PHACTR1: variants seen among roughly 807,000 people sequenced by gnomAD.
PHACTR1 encodes the protein phosphatase and actin regulator 1.
Under a neutral mutation model 69.2 loss-of-function variants are expected in PHACTR1, and 16 were observed. The observed-to-expected ratio is 0.23, with a 90% CI of 0.16 to 0.35. The LOEUF (loss-of-function observed/expected upper bound fraction) is 0.35, where lower values mean the gene tolerates loss of function less well. PHACTR1 is among the 10% of genes least tolerant of loss of function. The pLI, the probability that PHACTR1 is intolerant of heterozygous loss-of-function variation, is 1.00. For synonymous variants in PHACTR1, 312 were observed against 284.5 expected (o/e 1.10, Z -0.97); for missense variants, 510 against 734.7 (o/e 0.69, Z 3.54).
intron 10 of PHACTR1, among the ~76,000 whole-genome samples, chr6:13,254,633 G>T (rs1774934266): frequency 6.6e-6 from 1 of 152,000 alleles, no homozygotes; most frequent in African/African-American, 2.4e-5. Context: ...GAAACAGATG[G>T]CTCCTAATTA....
rs116296157 is a variant in PHACTR1, at chr6:13,172,659, T to C, written c.497-9860T>C. 9.8e-3 allele frequency among the ~76,000 whole-genome samples: 1,495 copies of C among 152,328 alleles called. 27 individuals are homozygous for C. The highest frequency in any genetic ancestry group is 0.034 in the African/African-American group (1,401 of 41,560). On this transcript the variant is annotated intron_variant, in intron 6 of 14. Transcript: ENST00000332995. Reference sequence around the variant, plus strand: ...GGAAAGTCATTGCATCTCACCTATTTAATGTTTTAGGCAAAGGCTTCTCAG... The same window carrying C: ...GGAAAGTCATTGCATCTCACCTATTCAATGTTTTAGGCAAAGGCTTCTCAG...
At chr6:13,261,614 G>A (rs937006925) in intron 10 of PHACTR1, among the ~76,000 whole-genome samples, 1 of 152,204 alleles carries the variant, frequency 6.6e-6, no homozygotes, top group Non-Finnish European at 1.5e-5. Flanking sequence ...GCTATCCCTG[G>A]TTGTCTAAGT....
At chr6:13,224,191 G>T (rs796663869) in intron 8 of PHACTR1, among the ~76,000 whole-genome samples, 4 of 152,212 alleles carry the variant, frequency 2.6e-5, no homozygotes. Context: ...TGTGGCTTCT[G>T]CCCGACAAGG....
chr6:13,022,808 G>A (rs1801159700), intron 4 of PHACTR1, among the ~76,000 whole-genome samples: 1 of 152,162 alleles, frequency 6.6e-6, no homozygotes, highest in East Asian at 1.9e-4. Context: ...CTTGAGCCCA[G>A]GAATTCGAGA....
intron 6 of PHACTR1, among the ~76,000 whole-genome samples, chr6:13,162,605 C>T (rs369854470): frequency 1.7e-4 from 26 of 152,196 alleles, no homozygotes; most frequent in African/African-American, 6.0e-4. Context: ...CTTAAACAAT[C>T]CCTCTTCTCC....
At chr6:12,931,689 C>A (rs1251016882) in intron 4 of PHACTR1, among the ~76,000 whole-genome samples, 1 of 151,948 alleles carries the variant, frequency 6.6e-6, no homozygotes, top group South Asian at 2.1e-4. Context: ...AGCAGAATCA[C>A]ACAAACATTC....
At chr6:13,095,920 G>A (rs1256302472) in intron 5 of PHACTR1, among the ~76,000 whole-genome samples, 4 of 152,036 alleles carry the variant, frequency 2.6e-5, no homozygotes, top group Admixed American at 6.5e-5. Flanking sequence ...ACAATTGCAG[G>A]TTTTGAAACC....
chr6:13,277,942 C>T (rs370846439), intron 11 of PHACTR1: 24 of 187,540 alleles, frequency 1.3e-4, no homozygotes, highest in Non-Finnish European at 1.4e-4. Context: ...AGAACGAGAC[C>T]GTGTCAAAAA....
At chr6:12,973,976 C>G (rs1377368352) in intron 4 of PHACTR1, among the ~76,000 whole-genome samples, 1 of 128,386 alleles carries the variant, frequency 7.8e-6, no homozygotes, top group East Asian at 2.2e-4. Flanking sequence ...GGCTGGAGTG[C>G]AGTGGCACGA....
At chr6:13,165,880 TTC>T (rs10557317) in intron 6 of PHACTR1, among the ~76,000 whole-genome samples, 7,216 of 143,192 alleles carry the variant, frequency 0.05, 568 homozygotes, top group African/African-American at 0.17. Context: ...TGGCATTTGC[TTC>T]TCTCTCATTA....
At chr6:13,173,020 C>A (rs1167291078) in intron 6 of PHACTR1, among the ~76,000 whole-genome samples, 1 of 152,196 alleles carries the variant, frequency 6.6e-6, no homozygotes, top group African/African-American at 2.4e-5. Flanking sequence ...CTGGAAGATT[C>A]TCTGACTTGT....
intron 6 of PHACTR1, among the ~76,000 whole-genome samples, chr6:13,177,725 G>T (rs577173605): frequency 3.9e-5 from 6 of 152,290 alleles, no homozygotes; most frequent in Admixed American, 3.9e-4. Context: ...ACTTGGACAA[G>T]GTCCATTTGA....
At position 13,200,131 on chromosome 6, in the gene PHACTR1, C is replaced by T. The variant is rs141225194; in HGVS notation, c.665-5684C>T. ...GGCCTTGAGTGCTGCAGTATCCCTG[C>T]CTCAGGCAGCACCATACACCAAGCG... is the stretch of plus-strand genomic sequence containing the variant. On this transcript the variant is annotated intron_variant, in intron 7 of 14. Transcript: ENST00000332995. Among the ~76,000 whole-genome samples, 406 of 152,322 alleles carry T rather than the reference C, an allele frequency of 2.7e-3. 1 individual carries two copies. Among genetic ancestry groups the T allele is most frequent in the Non-Finnish European group, 4.9e-3 (332 of 68,034 alleles).
In PHACTR1 at chr6:13,269,329, G is replaced by T. The variant is rs545420927; in HGVS notation, c.1392-3531G>T. On this transcript the variant is annotated intron_variant, in intron 10 of 14. Coordinates refer to ENST00000332995, the MANE Select transcript of PHACTR1 (RefSeq NM_030948.6). ...AGCTGTTAAGATCTTTCAACGTGGA[G>T]TTGGTAAGCTGCATTCCAGACCTCT... Among the ~76,000 whole-genome samples, 220 of 152,356 alleles carry T rather than the reference G, an allele frequency of 1.4e-3. 1 individual carries two copies. Among genetic ancestry groups the T allele is most frequent in the African/African-American group, 5.1e-3 (214 of 41,580 alleles).
chr6:13,082,955 C>G (rs1473523686), intron 5 of PHACTR1, among the ~76,000 whole-genome samples: 1 of 152,168 alleles, frequency 6.6e-6, no homozygotes, highest in African/African-American at 2.4e-5. Context: ...TTAATTAGAT[C>G]TCATTTGTCA....
At chr6:12,724,155 T>C (rs1310014032) in intron 3 of PHACTR1, among the ~76,000 whole-genome samples, 2 of 152,004 alleles carry the variant, frequency 1.3e-5, no homozygotes, top group Non-Finnish European at 2.9e-5. Context: ...TGGTGAAACC[T>C]GTCCCTACTA....
chr6:13,025,592 A>G (rs1195932797), intron 4 of PHACTR1, among the ~76,000 whole-genome samples: 1 of 151,968 alleles, frequency 6.6e-6, no homozygotes, highest in Non-Finnish European at 1.5e-5. Context: ...TTATACCCCA[A>G]ATTTAATTCT....
intron 4 of PHACTR1, among the ~76,000 whole-genome samples, chr6:12,781,472 C>T (rs1265291924): frequency 2.6e-5 from 4 of 152,188 alleles, no homozygotes; most frequent in Non-Finnish European, 5.9e-5. Flanking sequence ...AAACTATTTT[C>T]CAAATGGGCC....
At chr6:13,274,512 C>G (rs73359132) in intron 11 of PHACTR1, 4,429 of 152,290 alleles carry the variant, frequency 0.029, 216 homozygotes, top group African/African-American at 0.098. Context: ...AACTTACTCA[C>G]AGCCCGCTGC....
Sources: allele counts gnomAD v4.1 joint callset (sites outside exome capture counted in the v4.1 genomes callset), GRCh38; gene constraint gnomAD v4.1.1; transcripts MANE v1.5; gene names NCBI Gene and HGNC (gene_info 2026-07-23, HGNC 2026-07-21).